GRIA3: variants seen among roughly 807,000 people sequenced by gnomAD.
GRIA3 encodes the protein glutamate receptor 3.
GRIA3 carries 3 observed loss-of-function variants against 63.0 expected under a neutral mutation model. The observed-to-expected ratio is 0.05, with a 90% CI of 0.02 to 0.12. The LOEUF (loss-of-function observed/expected upper bound fraction) is 0.12, where lower values mean the gene tolerates loss of function less well. Ranked by LOEUF, GRIA3 falls within the 10% of genes least tolerant of loss-of-function variation. The probability of loss-of-function intolerance (pLI) is 1.00; values close to 1 mark genes in which losing one functional copy is unlikely to be tolerated. For synonymous variants in GRIA3, 274 were observed against 257.9 expected (o/e 1.06, Z -0.60); for missense variants, 347 against 700.9 (o/e 0.50, Z 5.70).
In GRIA3 at chrX:123,288,776, C is replaced by T. The variant is rs756731696; in HGVS notation, c.508+35234C>T. Among the ~76,000 whole-genome samples the T allele has an allele frequency of 4.5e-5, 5 of 111,969 alleles. No individual in the cohort carries two copies. In the Admixed American group the frequency reaches 4.7e-4, roughly 11 times the overall value. ...TTAAAAAGTCAGGAAACAACAGATGCTGGAGAGGATGTGGAGAAATAGGAA... is the reference window on the plus strand; with the variant it reads ...TTAAAAAGTCAGGAAACAACAGATGTTGGAGAGGATGTGGAGAAATAGGAA... On this transcript the variant is annotated intron_variant, in intron 3 of 15. Transcript: ENST00000620443.
At chrX:123,419,256 A>G (rs1272933236) in intron 11 of GRIA3, among the ~76,000 whole-genome samples, 2 of 110,937 alleles carry the variant, frequency 1.8e-5, no homozygotes, top group Non-Finnish European at 3.8e-5. Flanking sequence ...AAAAATACAA[A>G]AAATTAGCTG....
intron 11 of GRIA3, among the ~76,000 whole-genome samples, chrX:123,419,921 G>A (rs1000038331): frequency 2.7e-5 from 3 of 111,333 alleles, no homozygotes; most frequent in African/African-American, 9.8e-5. Context: ...ATCACTGATC[G>A]TACACTTGTA....
chrX:123,461,106 C>T (rs1395815808), intron 12 of GRIA3, among the ~76,000 whole-genome samples: 2 of 112,125 alleles, frequency 1.8e-5, no homozygotes, highest in Non-Finnish European at 3.8e-5. Context: ...GTGCTGGTAG[C>T]CATTTTTACC....
intron 5 of GRIA3, among the ~76,000 whole-genome samples, chrX:123,366,105 G>A (rs906179208): frequency 1.8e-5 from 2 of 111,173 alleles, no homozygotes; most frequent in Non-Finnish European, 3.8e-5. Flanking sequence ...ACCAGAGGTC[G>A]CTCTCATTGC....
chrX:123,287,990 G>T (rs1342667436), intron 3 of GRIA3, among the ~76,000 whole-genome samples: 1 of 111,830 alleles, frequency 8.9e-6, no homozygotes, highest in Non-Finnish European at 1.9e-5. Flanking sequence ...AAAGCTGGAG[G>T]CATCACGCTA....
intron 10 of GRIA3, among the ~76,000 whole-genome samples, chrX:123,409,313 A>T (rs189299123): frequency 1.3e-3 from 146 of 112,517 alleles, no homozygotes; most frequent in African/African-American, 4.6e-3. Flanking sequence ...AGTGTCAGTC[A>T]TAAAGTTTCA....
intron 7 of GRIA3, among the ~76,000 whole-genome samples, chrX:123,400,167 A>C (rs1028819686): frequency 9.0e-6 from 1 of 111,436 alleles, no homozygotes; most frequent in African/African-American, 3.3e-5. Flanking sequence ...CTACCTTCCC[A>C]AATAGAAAAC....
intron 3 of GRIA3, among the ~76,000 whole-genome samples, chrX:123,306,258 C>T (rs781448149): frequency 1.8e-5 from 2 of 111,639 alleles, no homozygotes; most frequent in East Asian, 5.7e-4. Context: ...TCCCTTATGC[C>T]ACCAAATCGC....
chrX:123,462,676 A>C, intron 12 of GRIA3, among the ~76,000 whole-genome samples: 1 of 111,528 alleles, frequency 9.0e-6, no homozygotes, highest in East Asian at 2.8e-4. Flanking sequence ...CCCCCCTGGA[A>C]TTATTTGGGC....
At chrX:123,260,776 CCT>C (rs1368299478) in intron 3 of GRIA3, among the ~76,000 whole-genome samples, 1 of 109,292 alleles carries the variant, frequency 9.1e-6, no homozygotes, top group Admixed American at 9.8e-5. Flanking sequence ...ACTAAATTCC[CCT>C]GTTTGAGCAG....
chrX:123,456,849 C>A (rs1442176846), intron 12 of GRIA3, among the ~76,000 whole-genome samples: 1 of 111,542 alleles, frequency 9.0e-6, no homozygotes, highest in East Asian at 2.8e-4. Context: ...ACACAGGGGT[C>A]CTGTAAGTGT....
intron 2 of GRIA3, among the ~76,000 whole-genome samples, chrX:123,252,477 C>T (rs781270625): frequency 1.8e-5 from 2 of 112,032 alleles, no homozygotes; most frequent in Non-Finnish European, 3.8e-5. Context: ...TAATTATGTT[C>T]TACTGAAGCT....
chrX:123,231,741 A>G (rs2044277585), intron 2 of GRIA3, among the ~76,000 whole-genome samples: 1 of 110,677 alleles, frequency 9.0e-6, no homozygotes, highest in South Asian at 3.9e-4. Flanking sequence ...TCTAGATGGC[A>G]TATGGAAAGG....
intron 2 of GRIA3, chrX:123,204,456 C>T: frequency 8.6e-7 from 1 of 1,158,897 alleles, no homozygotes; most frequent in Non-Finnish European, 1.2e-6. Flanking sequence ...CTACCTCCTC[C>T]CTTCTTGAGT....
At chrX:123,187,015 A>G (rs1927296615) in intron 2 of GRIA3, among the ~76,000 whole-genome samples, 1 of 112,568 alleles carries the variant, frequency 8.9e-6, no homozygotes, top group Admixed American at 9.3e-5. Flanking sequence ...TTATTTCACT[A>G]AAAGTTTTCA....
chrX:123,263,084 A>G (rs2044469336), intron 3 of GRIA3, among the ~76,000 whole-genome samples: 1 of 112,191 alleles, frequency 8.9e-6, no homozygotes, highest in African/African-American at 3.2e-5. Flanking sequence ...TTCTCAACTA[A>G]TCCTGTAGCA....
chrX:123,417,252 C>A, intron 10 of GRIA3, 150 bp from the exon 11 acceptor site: 1 of 493,766 alleles, frequency 2.0e-6, no homozygotes, highest in Non-Finnish European at 3.4e-6. Flanking sequence ...TGAATGCTAC[C>A]ACTTTTCTAA....
intron 3 of GRIA3, among the ~76,000 whole-genome samples, chrX:123,323,360 T>C (rs1022937000): frequency 8.9e-6 from 1 of 111,795 alleles, no homozygotes; most frequent in Non-Finnish European, 1.9e-5. Flanking sequence ...TTAGTATATA[T>C]AGATTGAGCT....
At chrX:123,438,960 G>A (rs760567225) in intron 12 of GRIA3, among the ~76,000 whole-genome samples, 41 of 112,219 alleles carry the variant, frequency 3.7e-4, no homozygotes, top group Non-Finnish European at 2.3e-4. Context: ...GGTGTTGGGG[G>A]CAGATCTGTA....
Sources: allele counts gnomAD v4.1 joint callset (sites outside exome capture counted in the v4.1 genomes callset), GRCh38; gene constraint gnomAD v4.1.1; transcripts MANE v1.5; gene names NCBI Gene and HGNC (gene_info 2026-07-23, HGNC 2026-07-21).